The following LIPJ variants were observed in gnomAD, a reference collection of about 807,000 sequenced individuals.
LIPJ encodes lipase member J.
LIPJ carries 33 observed loss-of-function variants against 39.8 expected under a neutral mutation model. The ratio of observed to expected loss-of-function variants is 0.83; its 90% CI spans 0.63 to 1.11. The LOEUF (loss-of-function observed/expected upper bound fraction) is 1.11. Ranked by LOEUF, LIPJ falls within the 50% of genes least tolerant of loss-of-function variation. LIPJ has a pLI of 0.00. For synonymous variants in LIPJ, 128 were observed against 139.2 expected (o/e 0.92, Z 0.57); for missense variants, 422 against 427.9 (o/e 0.99, Z 0.12).
At chr10:88,591,383 G>A (rs1284027595) in exon 4 of LIPJ, 2 of 1,594,626 alleles carry the variant, frequency 1.3e-6, no homozygotes, top group African/African-American at 1.4e-5. Context: ...TCTAGAGCCA[G>A]ATTATTTCCT....
the LIPJ span, among the ~76,000 whole-genome samples, chr10:88,613,885 T>C: frequency 1.1e-4 from 16 of 146,976 alleles, no homozygotes; most frequent in African/African-American, 4.0e-4. Context: ...ATATGTTACA[T>C]ATATATGTAA....
At chr10:88,588,154 T>C (rs1345215849) in intron 2 of LIPJ, among the ~76,000 whole-genome samples, 1 of 151,938 alleles carries the variant, frequency 6.6e-6, no homozygotes, top group African/African-American at 2.4e-5. Flanking sequence ...TTTCAGTAAC[T>C]GAATTGACTA....
At chr10:88,619,453 C>CCACACACACACACACACACACACACA in the LIPJ span, among the ~76,000 whole-genome samples, 4,693 of 146,966 alleles carry the variant, frequency 0.032, 100 homozygotes, top group South Asian at 0.094. Flanking sequence ...CCCCCTCTTG[C>CCACACACACACACACACACACACACA]CACACACACA....
upstream of LIPJ, among the ~76,000 whole-genome samples, chr10:88,585,185 A>G (rs567584405): frequency 6.6e-6 from 1 of 152,284 alleles, no homozygotes; most frequent in South Asian, 2.1e-4. Flanking sequence ...ACAGACACTA[A>G]GTTCAAGTGA....
intron 8 of LIPJ, among the ~76,000 whole-genome samples, chr10:88,598,949 T>TAATTAA (rs1265998950): frequency 5.5e-5 from 6 of 108,294 alleles, no homozygotes; most frequent in African/African-American, 2.4e-4. Context: ...TTTTATATTG[T>TAATTAA]ATTTAATAAT....
At chr10:88,583,185 C>T (rs1850759428), upstream of LIPJ, 2 of 1,613,872 alleles carry the variant, frequency 1.2e-6, no homozygotes, top group South Asian at 1.1e-5. Context: ...TCAGCACCTG[C>T]GCCATGGCGA....
At chr10:88,606,144 C>T (rs1033207662) in intron 10 of LIPJ, among the ~76,000 whole-genome samples, 1 of 152,006 alleles carries the variant, frequency 6.6e-6, no homozygotes, top group African/African-American at 2.4e-5. Flanking sequence ...TGTATAAGGA[C>T]AAAATTATTG....
chr10:88,586,493 A>G (rs908471805), upstream of LIPJ, among the ~76,000 whole-genome samples: 1 of 152,152 alleles, frequency 6.6e-6, no homozygotes, highest in African/African-American at 2.4e-5. Flanking sequence ...ACTTCATTCA[A>G]ATCAGCTTAA....
intron 8 of LIPJ, 70 bp downstream of exon 8, chr10:88,597,006 G>T: frequency 1.2e-6 from 1 of 867,140 alleles, no homozygotes; most frequent in Non-Finnish European, 1.8e-6. Flanking sequence ...AATAGTGCTT[G>T]TGTTATACCT....
the LIPJ span, among the ~76,000 whole-genome samples, chr10:88,621,422 T>A: frequency 6.6e-6 from 1 of 152,154 alleles, no homozygotes; most frequent in Non-Finnish European, 1.5e-5. Context: ...AGGGGCTACA[T>A]ACTGCATGAT....
chr10:88,599,727 A>C (rs1164270910), intron 8 of LIPJ, among the ~76,000 whole-genome samples: 1 of 151,386 alleles, frequency 6.6e-6, no homozygotes, highest in African/African-American at 2.4e-5. Context: ...ATATATACAC[A>C]TCTTCAATCT....
intron 2 of LIPJ, among the ~76,000 whole-genome samples, chr10:88,590,224 T>C (rs1028797486): frequency 6.6e-6 from 1 of 151,808 alleles, no homozygotes; most frequent in African/African-American, 2.4e-5. Flanking sequence ...TAAATAAATG[T>C]TAGGCTGGTA....
intron 9 of LIPJ, among the ~76,000 whole-genome samples, chr10:88,604,949 A>T (rs1251827074): frequency 2.0e-5 from 3 of 152,218 alleles, no homozygotes; most frequent in Non-Finnish European, 4.4e-5. Flanking sequence ...TGAAAAGATT[A>T]ACAGGTCAGG....
chr10:88,594,667 T>C lies in LIPJ; in HGVS notation c.330T>C (p.Ser110=), dbSNP rs372908305. ...TTTTATTTTCCTCTTTCTTTTGTAG[T>C]TTTGATGAGATGGCAAAATATGACC... Residue 110 remains serine, a splice_region_variant and synonymous_variant, in exon 6 of 11, where the codon AGT becomes AGC. Coordinates refer to ENST00000371939, the Ensembl canonical transcript of LIPJ. The C allele has an allele frequency of 4.7e-6, 7 of 1,485,938 alleles. No homozygotes were observed. The African/African-American group carries it at 8.6e-5, about 18-fold the overall frequency. The allele number at this position is 1,485,938 out of a possible 1,614,324, so 92.0% of individuals were successfully genotyped here.
chr10:88,604,339 T>C (rs1396909738), intron 9 of LIPJ, among the ~76,000 whole-genome samples: 1 of 152,208 alleles, frequency 6.6e-6, no homozygotes, highest in South Asian at 2.1e-4. Context: ...AGGCACTGCA[T>C]GATTTTGAGC....
chr10:88,594,807 C>T, intron 6 of LIPJ, 31 bp downstream of exon 6: 1 of 1,074,846 alleles, frequency 9.3e-7, no homozygotes, highest in East Asian at 2.6e-5. Flanking sequence ...GCTAATATCC[C>T]TTAATTTCTT....
the LIPJ span, among the ~76,000 whole-genome samples, chr10:88,617,363 A>T: frequency 6.6e-6 from 1 of 152,242 alleles, no homozygotes; most frequent in Non-Finnish European, 1.5e-5. Context: ...GGAACCACTC[A>T]GTAAATCTGC....
At position 88,602,165 on chromosome 10, in the gene LIPJ, A is replaced by G. The variant is rs138875019; in HGVS notation, c.724-411A>G. ...AACTTCACATTCTCCTGGACTGACA[A>G]ATAACCTTAAACAAACTGACTTTGT... On this transcript the variant is annotated intron_variant, in intron 8 of 10. Transcript: ENST00000371939. Among the ~76,000 whole-genome samples the G allele has an allele frequency of 1.4e-3, 219 of 152,248 alleles. 1 individual carries two copies. The highest frequency in any genetic ancestry group is 5.1e-3 in the African/African-American group (210 of 41,564).
the LIPJ span, among the ~76,000 whole-genome samples, chr10:88,619,209 TAAAAA>T: frequency 5.5e-5 from 7 of 128,218 alleles, no homozygotes; most frequent in Non-Finnish European, 6.7e-5. Context: ...TTGCTACTGC[TAAAAA>T]AAAAAAAAAA....
Sources: allele counts gnomAD v4.1 joint callset (sites outside exome capture counted in the v4.1 genomes callset), GRCh38; gene constraint gnomAD v4.1.1; transcripts MANE v1.5; gene names NCBI Gene and HGNC (gene_info 2026-07-23, HGNC 2026-07-21).